The following NRG3 variants were observed in gnomAD, a reference collection of about 807,000 sequenced individuals.
NRG3 encodes neuregulin 3, also known as pro-neuregulin-3, membrane-bound isoform.
Under a neutral mutation model 66.9 loss-of-function variants are expected in NRG3, and 31 were observed. That is an observed-to-expected ratio of 0.46 (90% CI 0.35 to 0.63). The LOEUF (loss-of-function observed/expected upper bound fraction) is 0.63. Among genes scored for constraint, NRG3 ranks in the 20% least tolerant of loss-of-function variants. The pLI, the probability that NRG3 is intolerant of heterozygous loss-of-function variation, is 0.00. For synonymous variants in NRG3, 393 were observed against 359.4 expected, an observed-to-expected ratio of 1.09 and a Z score of -1.06; for missense variants, 910 against 878.9, an observed-to-expected ratio of 1.04 and a Z score of -0.45.
chr10:81,897,469 G>A (rs1040325082), intron 1 of NRG3, among the ~76,000 whole-genome samples: 2 of 152,008 alleles, frequency 1.3e-5, no homozygotes, highest in Non-Finnish European at 2.9e-5. Context: ...TGGAAGGTGG[G>A]AAAGAGGACT....
chr10:82,965,948 G>T (rs75892250), intron 6 of NRG3, among the ~76,000 whole-genome samples: 1 of 151,948 alleles, frequency 6.6e-6, no homozygotes, highest in South Asian at 2.1e-4. Context: ...TGTTTATTTC[G>T]ATGTGTACTT....
intron 1 of NRG3, among the ~76,000 whole-genome samples, chr10:82,071,129 T>G (rs891050475): frequency 6.6e-6 from 1 of 152,194 alleles, no homozygotes; most frequent in Non-Finnish European, 1.5e-5. Context: ...ATTTTTATCA[T>G]TCATTGATTC....
At chr10:82,941,680 A>T (rs1848584788) in intron 4 of NRG3, among the ~76,000 whole-genome samples, 1 of 152,198 alleles carries the variant, frequency 6.6e-6, no homozygotes, top group Non-Finnish European at 1.5e-5. Context: ...TGATGGATAG[A>T]AATAAATACT....
chr10:81,912,255 T>C (rs775279917), intron 1 of NRG3, among the ~76,000 whole-genome samples: 1 of 152,196 alleles, frequency 6.6e-6, no homozygotes, highest in Non-Finnish European at 1.5e-5. Flanking sequence ...GCAGTCTTTC[T>C]CTGTTGCTCA....
At chr10:82,521,404 G>T (rs978017443) in intron 2 of NRG3, among the ~76,000 whole-genome samples, 6 of 149,070 alleles carry the variant, frequency 4.0e-5, no homozygotes, top group South Asian at 2.1e-4. Flanking sequence ...GCAGTGGTGT[G>T]ATCTCGGCTC....
At chr10:82,027,129 T>A (rs546200731) in intron 1 of NRG3, among the ~76,000 whole-genome samples, 1 of 152,118 alleles carries the variant, frequency 6.6e-6, no homozygotes, top group African/African-American at 2.4e-5. Flanking sequence ...CCTTTGGGTT[T>A]ATTCAGTAGA....
chr10:82,626,050 A>T (rs1046601200), intron 2 of NRG3, among the ~76,000 whole-genome samples: 1 of 152,122 alleles, frequency 6.6e-6, no homozygotes, highest in South Asian at 2.1e-4. Flanking sequence ...TGAGTCTGTG[A>T]TGATTTATGT....
chr10:82,134,944 G>A, intron 1 of NRG3, among the ~76,000 whole-genome samples: 1 of 151,812 alleles, frequency 6.6e-6, no homozygotes, highest in African/African-American at 2.4e-5. Flanking sequence ...CCAACATGGT[G>A]AAACCTCATC....
At chr10:82,555,590 A>T (rs2044595504) in intron 2 of NRG3, among the ~76,000 whole-genome samples, 1 of 152,148 alleles carries the variant, frequency 6.6e-6, no homozygotes, top group South Asian at 2.1e-4. Flanking sequence ...TCCTCCCAAC[A>T]ACTAACCTCA....
chr10:82,945,368 TG>T (rs1420456127), intron 4 of NRG3, among the ~76,000 whole-genome samples: 1 of 152,192 alleles, frequency 6.6e-6, no homozygotes, highest in Middle Eastern at 3.2e-3. Context: ...AAGGACTTTG[TG>T]AGTGCAGAAT....
chr10:82,811,287 T>C (rs1392906758), intron 3 of NRG3, among the ~76,000 whole-genome samples: 1 of 152,244 alleles, frequency 6.6e-6, no homozygotes, highest in Non-Finnish European at 1.5e-5. Context: ...CACCTGTTTG[T>C]TCACTGCCAT....
intron 1 of NRG3, among the ~76,000 whole-genome samples, chr10:81,987,167 A>G (rs2060557321): frequency 6.6e-6 from 1 of 151,912 alleles, no homozygotes; most frequent in Non-Finnish European, 1.5e-5. Context: ...GGCTCACAGC[A>G]ACCTCTGCCT....
chr10:82,771,582 C>T (rs957976376), intron 3 of NRG3, among the ~76,000 whole-genome samples: 8 of 152,112 alleles, frequency 5.3e-5, no homozygotes, highest in Non-Finnish European at 8.8e-5. Flanking sequence ...CTGGTTGCCG[C>T]AGAGGGAAAA....
chr10:82,890,945 T>C lies in NRG3; in HGVS notation c.1054+25508T>C, dbSNP rs1402064835. Among the ~76,000 whole-genome samples the C allele has an allele frequency of 2.0e-5, 3 of 152,142 alleles. No homozygotes were observed. In the East Asian group the frequency reaches 5.8e-4, roughly 29 times the overall value. ...GATAATCTGTTTGTGAAGTATCTGT[T>C]AGGTTTCTTATTTTCTGATAGATTT... On this transcript the variant is annotated intron_variant, in intron 4 of 8. Coordinates refer to ENST00000372141, the MANE Select transcript of NRG3 (RefSeq NM_001010848.4).
At chr10:82,228,917 T>TGA (rs2076306532) in intron 1 of NRG3, 1 of 152,284 alleles carries the variant, frequency 6.6e-6, no homozygotes, top group Non-Finnish European at 1.5e-5. Flanking sequence ...CAGGAGACAT[T>TGA]GAGACTTACC....
chr10:82,460,796 C>A (rs1406559407), intron 2 of NRG3, among the ~76,000 whole-genome samples: 1 of 152,186 alleles, frequency 6.6e-6, no homozygotes, highest in Non-Finnish European at 1.5e-5. Flanking sequence ...CCAGCAGCTG[C>A]AGTGTGAGGA....
chr10:82,341,550 T>C (rs1279654699), intron 1 of NRG3, among the ~76,000 whole-genome samples: 3 of 152,152 alleles, frequency 2.0e-5, no homozygotes, highest in African/African-American at 7.2e-5. Flanking sequence ...TGGTTTGAAT[T>C]GTTAAAACTA....
At chr10:82,032,678 G>A (rs919263452) in intron 1 of NRG3, among the ~76,000 whole-genome samples, 1 of 151,986 alleles carries the variant, frequency 6.6e-6, no homozygotes, top group Non-Finnish European at 1.5e-5. Context: ...CATTTTATAA[G>A]AAAGTTATTT....
chr10:82,494,369 A>G (rs778080144), intron 2 of NRG3, among the ~76,000 whole-genome samples: 46 of 152,162 alleles, frequency 3.0e-4, no homozygotes, highest in Non-Finnish European at 5.6e-4. Flanking sequence ...CTCAAATACG[A>G]TCTCCTTTTG....
Sources: gnomAD v4.1 joint callset for allele counts (sites outside exome capture counted in the v4.1 genomes callset) on GRCh38, gnomAD v4.1.1 for gene constraint, MANE v1.5 for transcripts, NCBI Gene and HGNC (gene_info 2026-07-23, HGNC 2026-07-21) for gene names.